TINAG: variants seen among roughly 807,000 people sequenced by gnomAD.
The protein encoded by TINAG is tubulointerstitial nephritis antigen.
In TINAG, 83 loss-of-function variants were observed where a neutral mutation model predicts 72.7. The ratio of observed to expected loss-of-function variants is 1.14; its 90% CI spans 0.96 to 1.37. The LOEUF (loss-of-function observed/expected upper bound fraction) is 1.37, where lower values mean the gene tolerates loss of function less well. TINAG is among the 40% of genes most tolerant of loss of function. TINAG has a pLI of 0.00. For synonymous variants in TINAG, 234 were observed against 189.9 expected (o/e 1.23, Z -1.91); for missense variants, 685 against 576.6 (o/e 1.19, Z -1.93).
chr6:54,319,498 G>T (rs1218084007), intron 1 of TINAG, among the ~76,000 whole-genome samples: 1 of 152,080 alleles, frequency 6.6e-6, no homozygotes, highest in Non-Finnish European at 1.5e-5. Context: ...ATATGAAAGG[G>T]ATGCCTAGAC....
At chr6:54,352,317 T>C (rs1486358680) in intron 8 of TINAG, among the ~76,000 whole-genome samples, 1 of 151,864 alleles carries the variant, frequency 6.6e-6, no homozygotes, top group Non-Finnish European at 1.5e-5. Flanking sequence ...GCAGGAATCA[T>C]GGATTTTATA....
chr6:54,368,815 TA>T lies in TINAG; in HGVS notation c.1251-11710del, dbSNP rs926127394. 3.6e-4 allele frequency among the ~76,000 whole-genome samples: 55 copies of T among 151,782 alleles called. 1 individual carries two copies. Among genetic ancestry groups the T allele is most frequent in the African/African-American group, 1.3e-3 (53 of 41,408 alleles). On this transcript the variant is annotated intron_variant, in intron 9 of 10. Transcript: ENST00000259782. ...AATAAAGAGATAATATAGGTATTTTTACTTTTTAAAAACTACTATTAAGTAC... is the reference window on the plus strand; with the variant it reads ...AATAAAGAGATAATATAGGTATTTTTCTTTTTAAAAACTACTATTAAGTAC...
In TINAG at chr6:54,330,339, C is replaced by T. The variant is rs138152406; in HGVS notation, c.624+3423C>T. 3.4e-3 allele frequency among the ~76,000 whole-genome samples: 524 copies of T among 152,236 alleles called. 4 individuals are homozygous for T. Among genetic ancestry groups the T allele is most frequent in the African/African-American group, 0.012 (491 of 41,526 alleles). ...CACAACTACATGGAAACTGAACAAC[C>T]GATTCCTGAATGACTACTGGGTAAA... On this transcript the variant is annotated intron_variant, in intron 4 of 10. Coordinates refer to ENST00000259782, the MANE Select transcript of TINAG (RefSeq NM_014464.4).
In TINAG at chr6:54,308,971, CTCTTTTTCTTCTT is replaced by C. The variant is rs1784177766; in HGVS notation, c.355+74_355+86del. The C allele has an allele frequency of 8.0e-5, 104 of 1,293,400 alleles. 2 individuals are homozygous for C. In the South Asian group the frequency reaches 1.4e-3, roughly 18 times the overall value. The allele number at this position is 1,293,400 out of a possible 1,614,324, so 80.1% of individuals were successfully genotyped here. A position where few individuals can be genotyped will look rare whatever the true frequency, so the allele number is the denominator to read the frequency against. On this transcript the variant is annotated intron_variant, in intron 1 of 10. Transcript: ENST00000259782. ...AACAACAAGATCTGACAAACGTTCT[CTCTTTTTCTTCTT>C]TCTTTTTTTCCTTCTTTCAATGAAA...
chr6:54,365,086 A>T lies in TINAG; in HGVS notation c.1250+10450A>T, dbSNP rs114349997. On this transcript the variant is annotated intron_variant, in intron 9 of 10. Transcript: ENST00000259782. ...GTTATGTTTAACCTCTGGCAAATTG[A>T]TCAATTCAGAGCAGATGTTTTAATT... Among the ~76,000 whole-genome samples, 436 of 151,654 alleles carry T rather than the reference A, an allele frequency of 2.9e-3. 4 individuals are homozygous for T. Among genetic ancestry groups the T allele is most frequent in the African/African-American group, 0.01 (423 of 41,500 alleles).
At chr6:54,366,246 G>A (rs12204930) in intron 9 of TINAG, among the ~76,000 whole-genome samples, 10 of 148,354 alleles carry the variant, frequency 6.7e-5, no homozygotes, top group Non-Finnish European at 1.3e-4. Flanking sequence ...ATGCGTACAC[G>A]TACGTGTATG....
At chr6:54,355,522 G>A (rs73444784) in intron 9 of TINAG, among the ~76,000 whole-genome samples, 3,165 of 151,772 alleles carry the variant, frequency 0.021, 105 homozygotes, top group African/African-American at 0.072. Context: ...TTCCTTAATC[G>A]TTGTCCTTCC....
chr6:54,339,786 C>A (rs1228282930), intron 4 of TINAG, among the ~76,000 whole-genome samples: 1 of 152,154 alleles, frequency 6.6e-6, no homozygotes, highest in East Asian at 1.9e-4. Flanking sequence ...TCTTGGTATT[C>A]ATGGCCACTG....
At chr6:54,337,737 C>CTAAAATTT (rs1784900550) in intron 4 of TINAG, among the ~76,000 whole-genome samples, 2 of 152,258 alleles carry the variant, frequency 1.3e-5, no homozygotes, top group African/African-American at 4.8e-5. Context: ...ACCATTTTCT[C>CTAAAATTT]CATAAAATTC....
chr6:54,348,656 C>T lies in TINAG; in HGVS notation c.900-1060C>T, dbSNP rs985787786. ...GGCACTAATCGTATCTATTATGGCC[C>T]TAACCTCATGACATCCTTTAAAGTT... On this transcript the variant is annotated intron_variant, in intron 6 of 10. Coordinates refer to ENST00000259782, the MANE Select transcript of TINAG (RefSeq NM_014464.4). 2.0e-5 allele frequency among the ~76,000 whole-genome samples: 3 copies of T among 152,028 alleles called. No homozygotes were observed. The South Asian group carries it at 6.2e-4, about 31-fold the overall frequency.
intron 10 of TINAG, 27 bp from the exon 11 acceptor site, chr6:54,389,763 AC>A: frequency 1.3e-6 from 2 of 1,563,358 alleles, no homozygotes; most frequent in Non-Finnish European, 1.7e-6. Flanking sequence ...ATGTTTCTCA[AC>A]TTTTTTGTTT....
intron 4 of TINAG, among the ~76,000 whole-genome samples, chr6:54,328,291 T>G (rs1273518986): frequency 6.6e-6 from 1 of 152,092 alleles, no homozygotes; most frequent in East Asian, 1.9e-4. Context: ...CAATCTTTGC[T>G]GTTCTGAAGG....
chr6:54,388,049 A>G (rs1311909390), intron 10 of TINAG, among the ~76,000 whole-genome samples: 1 of 152,156 alleles, frequency 6.6e-6, no homozygotes, highest in Non-Finnish European at 1.5e-5. Context: ...CAAGAATGTA[A>G]TTATGAAATT....
intron 1 of TINAG, among the ~76,000 whole-genome samples, chr6:54,319,471 T>G (rs745319065): frequency 1.3e-5 from 2 of 152,150 alleles, no homozygotes; most frequent in Non-Finnish European, 2.9e-5. Context: ...CCCATGATTG[T>G]GACGTACCAA....
chr6:54,308,467 A>T lies in TINAG; in HGVS notation c.-84A>T, dbSNP rs1427421675. 3.9e-5 allele frequency: 45 copies of T among 1,151,924 alleles called. No individual in the cohort carries two copies. The Admixed American group carries it at 1.1e-3, about 29-fold the overall frequency. 71.4% of individuals were successfully genotyped at this position (1,151,924 alleles called of 1,614,324 possible). ...TTCAGGCTGAAGTGTCTTAATGACT[A>T]GAATTCAGGTTCCAAGGAGAAGCCC... On this transcript the variant is annotated 5_prime_UTR_variant, in exon 1 of 11. The change creates a premature stop within an existing upstream ORF in the 5' untranslated region. Transcript: ENST00000259782.
chr6:54,379,165 C>T (rs950340981), intron 9 of TINAG, among the ~76,000 whole-genome samples: 5 of 152,098 alleles, frequency 3.3e-5, no homozygotes, highest in African/African-American at 9.7e-5. Flanking sequence ...TGGTAATACA[C>T]GGGCAGAATT....
intron 5 of TINAG, among the ~76,000 whole-genome samples, chr6:54,343,731 C>T (rs532080145): frequency 6.6e-6 from 1 of 150,414 alleles, no homozygotes; most frequent in African/African-American, 2.5e-5. Context: ...CATACCTTTA[C>T]TCTTTATATG....
At chr6:54,312,713 T>TA (rs1233037276) in intron 1 of TINAG, among the ~76,000 whole-genome samples, 1 of 152,206 alleles carries the variant, frequency 6.6e-6, no homozygotes, top group African/African-American at 2.4e-5. Context: ...CAGAAATATT[T>TA]AAAAACCAGG....
At chr6:54,366,181 CA>C (rs1268697627) in intron 9 of TINAG, among the ~76,000 whole-genome samples, 1 of 151,404 alleles carries the variant, frequency 6.6e-6, no homozygotes, top group African/African-American at 2.4e-5. Flanking sequence ...AGTGTTAAGA[CA>C]ACTCTTCAGG....
Sources: gnomAD v4.1 joint callset for allele counts (sites outside exome capture counted in the v4.1 genomes callset) on GRCh38, gnomAD v4.1.1 for gene constraint, MANE v1.5 for transcripts, NCBI Gene and HGNC (gene_info 2026-07-23, HGNC 2026-07-21) for gene names.